The following GALNT14 variants were observed in gnomAD, a reference collection of about 807,000 sequenced individuals.
The protein encoded by GALNT14 is UDP-GalNAc:polypeptide N-acetylgalactosaminyltransferase 14.
A neutral mutation model predicts 77.5 loss-of-function variants in GALNT14; 60 were observed. That is an observed-to-expected ratio of 0.77 (90% confidence interval 0.63 to 0.96). The LOEUF (loss-of-function observed/expected upper bound fraction) is 0.96. Among genes scored for constraint, GALNT14 ranks in the 40% least tolerant of loss-of-function variants. GALNT14 has a pLI of 0.00. For missense variants in GALNT14, 710 were observed against 731.0 expected, an observed-to-expected ratio of 0.97 and a Z score of 0.33; for synonymous variants, 280 against 281.7, an observed-to-expected ratio of 0.99 and a Z score of 0.06.
At chr2:30,890,792 G>T in the GALNT14 span, among the ~76,000 whole-genome samples, 1 of 152,056 alleles carries the variant, frequency 6.6e-6, no homozygotes, top group Non-Finnish European at 1.5e-5. Context: ...CTTTCTATTC[G>T]CTGGACCTGG....
intron 1 of GALNT14, among the ~76,000 whole-genome samples, chr2:31,052,420 A>G (rs1170521913): frequency 6.6e-6 from 1 of 152,216 alleles, no homozygotes; most frequent in Non-Finnish European, 1.5e-5. Flanking sequence ...GTCAAACAAC[A>G]GAGTGAGAAG....
At chr2:31,020,900 A>G (rs1221597253) in intron 1 of GALNT14, among the ~76,000 whole-genome samples, 1 of 152,140 alleles carries the variant, frequency 6.6e-6, no homozygotes, top group African/African-American at 2.4e-5. Flanking sequence ...TATAATGCCA[A>G]TTACATGCTT....
chr2:30,980,460 T>C (rs146151336), intron 2 of GALNT14, among the ~76,000 whole-genome samples: 1 of 152,284 alleles, frequency 6.6e-6, no homozygotes, highest in East Asian at 1.9e-4. Flanking sequence ...AGTCACCAAG[T>C]GCTTACTAGA....
chr2:30,980,126 C>T (rs553842997), intron 2 of GALNT14, among the ~76,000 whole-genome samples: 1 of 152,364 alleles, frequency 6.6e-6, no homozygotes, highest in African/African-American at 2.4e-5. Flanking sequence ...CTCACATGCC[C>T]TGCACCCAGC....
chr2:30,915,148 C>A (rs1664603511), intron 13 of GALNT14, among the ~76,000 whole-genome samples: 1 of 142,478 alleles, frequency 7.0e-6, no homozygotes, highest in Non-Finnish European at 1.5e-5. Flanking sequence ...CTTTTGAGAG[C>A]CCACTTTGGC....
intron 1 of GALNT14, among the ~76,000 whole-genome samples, chr2:31,085,670 T>A (rs532255474): frequency 1.3e-5 from 2 of 152,220 alleles, no homozygotes; most frequent in East Asian, 3.9e-4. Context: ...AGTCTCTTCA[T>A]TTCCTTTTGC....
intron 1 of GALNT14, among the ~76,000 whole-genome samples, chr2:31,088,602 C>T (rs1230487782): frequency 1.3e-5 from 2 of 152,202 alleles, no homozygotes; most frequent in Non-Finnish European, 2.9e-5. Context: ...ACCCACAAAC[C>T]TGTAAGCAAA....
intron 1 of GALNT14, among the ~76,000 whole-genome samples, chr2:31,027,878 G>C (rs1400207547): frequency 6.6e-6 from 1 of 150,382 alleles, no homozygotes; most frequent in East Asian, 2.0e-4. Context: ...AGAGGGCCCA[G>C]ATGTATTCTG....
At chr2:30,999,414 T>C (rs1355466578) in intron 1 of GALNT14, among the ~76,000 whole-genome samples, 1 of 152,250 alleles carries the variant, frequency 6.6e-6, no homozygotes, top group Non-Finnish European at 1.5e-5. Flanking sequence ...AAATATTTAG[T>C]GGCAGCTATT....
At chr2:30,979,127 T>C (rs1668827213) in intron 2 of GALNT14, among the ~76,000 whole-genome samples, 1 of 151,888 alleles carries the variant, frequency 6.6e-6, no homozygotes, top group South Asian at 2.1e-4. Context: ...ATGTGAAGAG[T>C]TTCAGGTGAG....
At position 30,966,258 on chromosome 2, in the gene GALNT14, A is replaced by C; in HGVS notation, c.344T>G (p.Ile115Ser). The C allele has an allele frequency of 8.7e-6, 14 of 1,614,010 alleles. No individual in the cohort carries two copies. The highest frequency in any genetic ancestry group is 1.2e-5 in the Non-Finnish European group (14 of 1,179,958). The change falls in exon 3 of 15, where the codon ATC becomes AGC. Residue 115 changes from isoleucine (I) to serine (S), a missense_variant. Physicochemically the swap from Ile to Ser is moderately radical, Grantham distance 142. Coordinates refer to ENST00000349752, the MANE Select transcript of GALNT14 (RefSeq NM_024572.4). ...VYCTDLPPTS[I>S]IITFHNEARS... ...GGCCTCGTTGTGGAAGGTGATGATG[A>C]TGCTAGTGGGTGGAAGGTCCGTGCA...
At chr2:31,016,291 T>C (rs1671351213) in intron 1 of GALNT14, among the ~76,000 whole-genome samples, 1 of 152,140 alleles carries the variant, frequency 6.6e-6, no homozygotes, top group African/African-American at 2.4e-5. Context: ...TAATCTTCCC[T>C]TCTTGTAAGG....
chr2:31,116,905 C>T (rs1022638320), intron 1 of GALNT14, among the ~76,000 whole-genome samples: 3 of 151,890 alleles, frequency 2.0e-5, no homozygotes, highest in African/African-American at 7.3e-5. Context: ...AGGTGTGGGG[C>T]GCATGCCTGT....
intron 10 of GALNT14, among the ~76,000 whole-genome samples, chr2:30,930,884 A>G (rs1462407919): frequency 6.6e-6 from 1 of 152,168 alleles, no homozygotes; most frequent in African/African-American, 2.4e-5. Flanking sequence ...AAACGGAATG[A>G]CCTACCAGTG....
intron 1 of GALNT14, among the ~76,000 whole-genome samples, chr2:31,027,556 G>C (rs950733147): frequency 1.3e-5 from 2 of 152,126 alleles, no homozygotes; most frequent in South Asian, 4.2e-4. Context: ...CTCGACAAAA[G>C]GGATCATGTC....
chr2:30,889,476 C>T, the GALNT14 span, among the ~76,000 whole-genome samples: 1 of 152,164 alleles, frequency 6.6e-6, no homozygotes, highest in Non-Finnish European at 1.5e-5. Flanking sequence ...TACCCTAGCC[C>T]TCTACTTCTC....
intron 1 of GALNT14, among the ~76,000 whole-genome samples, chr2:31,104,977 A>G (rs922962652): frequency 4.6e-5 from 7 of 152,138 alleles, no homozygotes; most frequent in African/African-American, 1.7e-4. Flanking sequence ...TGAAACCTCC[A>G]CCCACAGGAC....
intron 9 of GALNT14, among the ~76,000 whole-genome samples, chr2:30,936,117 T>C (rs182612393): frequency 1.4e-3 from 208 of 152,356 alleles, no homozygotes; most frequent in African/African-American, 4.8e-3. Context: ...GGCACTGTTA[T>C]AATCTTACTT....
the GALNT14 span, among the ~76,000 whole-genome samples, chr2:30,891,317 A>G: frequency 6.6e-6 from 1 of 151,860 alleles, no homozygotes; most frequent in East Asian, 1.9e-4. Flanking sequence ...TGCCTGTGCT[A>G]GCCAGGTGAT....
Sources: allele counts gnomAD v4.1 joint callset (sites outside exome capture counted in the v4.1 genomes callset), GRCh38; gene constraint gnomAD v4.1.1; transcripts MANE v1.5; gene names NCBI Gene and HGNC (gene_info 2026-07-23, HGNC 2026-07-21).